Variants in PXDNL observed in about 807,000 individuals in gnomAD.
PXDNL encodes the protein probable oxidoreductase PXDNL.
PXDNL carries 145 observed loss-of-function variants against 150.8 expected under a neutral mutation model. The observed-to-expected ratio is 0.96, with a 90% CI of 0.84 to 1.10. PXDNL has a LOEUF of 1.10. PXDNL is among the 50% of genes least tolerant of loss of function. PXDNL has a pLI of 0.00. For missense variants in PXDNL, 2,087 were observed against 1,873.9 expected (o/e 1.11, Z -2.10); for synonymous variants, 757 against 725.7 (o/e 1.04, Z -0.69).
At chr8:51,577,987 GAAAGAAAGAAAGAGGAAGGA>G (rs1563471101) in intron 3 of PXDNL, among the ~76,000 whole-genome samples, 216 of 70,564 alleles carry the variant, frequency 3.1e-3, no homozygotes, top group Admixed American at 4.0e-3. Flanking sequence ...AAGAAAGAAA[GAAAGAAAGAAAGAGGAAGGA>G]AGGAAGGAAG....
chr8:51,630,561 T>A (rs1354293477), intron 2 of PXDNL, among the ~76,000 whole-genome samples: 1 of 152,100 alleles, frequency 6.6e-6, no homozygotes, highest in East Asian at 1.9e-4. Context: ...ATATCCAGAA[T>A]CTATAAGGAA....
At chr8:51,613,705 G>A (rs1814071051) in intron 2 of PXDNL, among the ~76,000 whole-genome samples, 1 of 152,032 alleles carries the variant, frequency 6.6e-6, no homozygotes. Flanking sequence ...TTTCTTCATA[G>A]GATTAATCAT....
intron 8 of PXDNL, among the ~76,000 whole-genome samples, chr8:51,463,800 A>C (rs901687005): frequency 6.6e-6 from 1 of 152,192 alleles, no homozygotes; most frequent in Admixed American, 6.5e-5. Flanking sequence ...TACCAAGAAT[A>C]TCTCTCAAAA....
At chr8:51,562,894 A>G (rs1812746069) in intron 3 of PXDNL, among the ~76,000 whole-genome samples, 1 of 151,950 alleles carries the variant, frequency 6.6e-6, no homozygotes, top group Admixed American at 6.6e-5. Context: ...TGCAGGCTTT[A>G]TAGTGGGTGG....
chr8:51,763,954 G>A (rs1226110911), intron 1 of PXDNL, among the ~76,000 whole-genome samples: 4 of 152,166 alleles, frequency 2.6e-5, no homozygotes, highest in Non-Finnish European at 5.9e-5. Context: ...ATATAGCTAT[G>A]AGAATTTTTA....
At chr8:51,480,172 ACACAATATTAG>A (rs1810568967) in intron 6 of PXDNL, among the ~76,000 whole-genome samples, 1 of 152,208 alleles carries the variant, frequency 6.6e-6, no homozygotes, top group African/African-American at 2.4e-5. Context: ...GTGTCTAGGA[ACACAATATTAG>A]AAGAGCAACC....
chr8:51,741,234 T>C lies in PXDNL; in HGVS notation c.164+67947A>G, dbSNP rs567522888. On this transcript the variant is annotated intron_variant, in intron 1 of 22. Transcript: ENST00000356297. ...GATGGTGTATGTGTCCAGTAATTTA[T>C]CAATTTTTTCTAGATTTGCTAGTTT... 2.0e-5 allele frequency among the ~76,000 whole-genome samples: 3 copies of C among 152,340 alleles called. No homozygotes were observed. In the South Asian group the frequency reaches 6.2e-4, roughly 32 times the overall value.
At chr8:51,558,750 G>A (rs1051125604) in intron 3 of PXDNL, among the ~76,000 whole-genome samples, 2 of 151,960 alleles carry the variant, frequency 1.3e-5, no homozygotes, top group African/African-American at 4.8e-5. Context: ...AATCAGATCT[G>A]CACAAATTGA....
chr8:51,774,223 GCTA>G (rs2037328240), intron 1 of PXDNL, among the ~76,000 whole-genome samples: 2 of 152,106 alleles, frequency 1.3e-5, no homozygotes, highest in South Asian at 4.1e-4. Flanking sequence ...TTCTGTTTCT[GCTA>G]CTGTTTGAGG....
At chr8:51,775,603 C>G (rs986778296) in intron 1 of PXDNL, among the ~76,000 whole-genome samples, 1 of 152,216 alleles carries the variant, frequency 6.6e-6, no homozygotes, top group Non-Finnish European at 1.5e-5. Flanking sequence ...TTACTGCAAT[C>G]TCTGAACATA....
chr8:51,771,387 AG>A (rs2037291265), intron 1 of PXDNL, among the ~76,000 whole-genome samples: 1 of 152,240 alleles, frequency 6.6e-6, no homozygotes, highest in African/African-American at 2.4e-5. Flanking sequence ...TATAATTTAG[AG>A]GAAAAATAAA....
chr8:51,597,620 C>T (rs1813600782), intron 2 of PXDNL, among the ~76,000 whole-genome samples: 2 of 150,920 alleles, frequency 1.3e-5, no homozygotes, highest in Admixed American at 6.6e-5. Context: ...AGAGGTCTTT[C>T]ACTTCCTTTG....
chr8:51,413,815 G>A (rs932612836), intron 14 of PXDNL, among the ~76,000 whole-genome samples: 1 of 152,078 alleles, frequency 6.6e-6, no homozygotes, highest in African/African-American at 2.4e-5. Context: ...TCATTTCCAG[G>A]CTATTGAATC....
chr8:51,400,767 G>A (rs190162701), intron 17 of PXDNL, among the ~76,000 whole-genome samples: 1 of 152,266 alleles, frequency 6.6e-6, no homozygotes, highest in Non-Finnish European at 1.5e-5. Flanking sequence ...CAAATGTGTT[G>A]TTCTCTGTTG....
intron 2 of PXDNL, among the ~76,000 whole-genome samples, chr8:51,633,929 A>C (rs757236064): frequency 4.6e-5 from 7 of 151,718 alleles, no homozygotes; most frequent in Non-Finnish European, 1.0e-4. Context: ...TCTATCCTAT[A>C]GCCTATTTAT....
intron 21 of PXDNL, among the ~76,000 whole-genome samples, chr8:51,331,404 G>C (rs1177972420): frequency 6.6e-6 from 1 of 152,164 alleles, no homozygotes; most frequent in East Asian, 1.9e-4. Context: ...GGAGGAGCAG[G>C]GGATAAAACC....
chr8:51,512,674 T>C (rs1468939759), intron 4 of PXDNL, among the ~76,000 whole-genome samples: 1 of 152,210 alleles, frequency 6.6e-6, no homozygotes, highest in Non-Finnish European at 1.5e-5. Flanking sequence ...AAACAACTAA[T>C]GATGTTTTGT....
At chr8:51,583,628 A>T (rs963882749) in intron 3 of PXDNL, among the ~76,000 whole-genome samples, 2 of 152,200 alleles carry the variant, frequency 1.3e-5, no homozygotes, top group Non-Finnish European at 2.9e-5. Flanking sequence ...CATAGATTTT[A>T]TGAGGACAGA....
chr8:51,633,348 T>C (rs1563489660), intron 2 of PXDNL, among the ~76,000 whole-genome samples: 1 of 152,312 alleles, frequency 6.6e-6, no homozygotes, highest in South Asian at 2.1e-4. Flanking sequence ...GAGAGTGCTA[T>C]AATGAACATA....
Sources: allele counts gnomAD v4.1 joint callset (sites outside exome capture counted in the v4.1 genomes callset), GRCh38; gene constraint gnomAD v4.1.1; transcripts MANE v1.5; gene names NCBI Gene and HGNC (gene_info 2026-07-23, HGNC 2026-07-21).